RYR3: variants seen among roughly 807,000 people sequenced by gnomAD.
RYR3 encodes ryanodine receptor 3, also known as brain ryanodine receptor-calcium release channel.
RYR3 carries 207 observed loss-of-function variants against 584.3 expected under a neutral mutation model. The ratio of observed to expected loss-of-function variants is 0.35; its 90% confidence interval spans 0.32 to 0.40. RYR3 has a LOEUF of 0.40. RYR3 is among the 10% of genes least tolerant of loss of function. The probability of loss-of-function intolerance (pLI) is 1.00; values close to 1 mark genes in which losing one functional copy is unlikely to be tolerated. For missense variants in RYR3, 5,616 were observed against 6,089.2 expected (o/e 0.92, Z 2.59); for synonymous variants, 2,416 against 2,248.5 (o/e 1.07, Z -2.11).
At chr15:33,632,395 A>G (rs1483827281) in intron 23 of RYR3, among the ~76,000 whole-genome samples, 3 of 152,270 alleles carry the variant, frequency 2.0e-5, no homozygotes, top group Admixed American at 6.5e-5. Flanking sequence ...ACTTACAGAC[A>G]TTTGAGGCTG....
chr15:33,684,916 G>A (rs1010137846), intron 38 of RYR3, among the ~76,000 whole-genome samples: 2 of 152,114 alleles, frequency 1.3e-5, no homozygotes, highest in African/African-American at 4.8e-5. Context: ...GTCACTGCCA[G>A]GCCCGCCTTA....
intron 2 of RYR3, among the ~76,000 whole-genome samples, chr15:33,481,847 T>C (rs369701930): frequency 6.6e-6 from 1 of 151,860 alleles, no homozygotes; most frequent in African/African-American, 2.4e-5. Flanking sequence ...ATCACAGTTT[T>C]CCTTGCATTC....
intron 59 of RYR3, 84 bp downstream of exon 59, chr15:33,756,457 A>T (rs2071838345): frequency 2.0e-6 from 2 of 1,000,548 alleles, no homozygotes; most frequent in South Asian, 2.8e-5. Flanking sequence ...TCCAGTGAAG[A>T]TATCTAAAAC....
intron 6 of RYR3, among the ~76,000 whole-genome samples, chr15:33,540,365 G>C (rs148689219): frequency 0.016 from 2,467 of 152,108 alleles, 76 homozygotes; most frequent in African/African-American, 0.056. Flanking sequence ...GCACTTGTCT[G>C]GGGGTGGGGA....
chr15:33,843,003 AG>A lies in RYR3; in HGVS notation c.13210-484del, dbSNP rs562872986. ...TGGTTCCATGTTCATGACACGACAC[AG>A]TCATGCCATGGCTGTGTTAAGAATG... On this transcript the variant is annotated intron_variant, in intron 91 of 103. Transcript: ENST00000634891. 7.2e-5 allele frequency among the ~76,000 whole-genome samples: 11 copies of A among 152,246 alleles called. No homozygotes were observed. In the East Asian group the frequency reaches 1.5e-3, roughly 21 times the overall value.
At chr15:33,574,856 C>T (rs1445908179) in intron 12 of RYR3, among the ~76,000 whole-genome samples, 1 of 152,106 alleles carries the variant, frequency 6.6e-6, no homozygotes, top group African/African-American at 2.4e-5. Context: ...GTAGTCAAGA[C>T]CCATTCATGT....
intron 18 of RYR3, among the ~76,000 whole-genome samples, chr15:33,612,975 C>T (rs2060271112): frequency 6.6e-6 from 1 of 152,168 alleles, no homozygotes; most frequent in African/African-American, 2.4e-5. Context: ...TGGTGTCTGC[C>T]CACTCGCCAG....
At chr15:33,614,604 G>A (rs1355157968) in intron 19 of RYR3, among the ~76,000 whole-genome samples, 1 of 151,808 alleles carries the variant, frequency 6.6e-6, no homozygotes, top group African/African-American at 2.4e-5. Context: ...CTAACTTTGT[G>A]TTCTCAGCCT....
At chr15:33,357,980 G>A (rs1233529690) in intron 1 of RYR3, among the ~76,000 whole-genome samples, 3 of 152,228 alleles carry the variant, frequency 2.0e-5, no homozygotes, top group Non-Finnish European at 4.4e-5. Flanking sequence ...TTCTGTCCTT[G>A]CATTTGCCAG....
intron 43 of RYR3, among the ~76,000 whole-genome samples, chr15:33,713,908 C>T (rs568557600): frequency 2.4e-4 from 37 of 152,112 alleles, no homozygotes; most frequent in Non-Finnish European, 3.7e-4. Flanking sequence ...TAATTACCTA[C>T]CAAAGGCCCT....
intron 1 of RYR3, among the ~76,000 whole-genome samples, chr15:33,406,496 A>G (rs1352064623): frequency 6.6e-6 from 1 of 152,226 alleles, no homozygotes; most frequent in Non-Finnish European, 1.5e-5. Flanking sequence ...GCCTCTCAAG[A>G]ACATTTACTC....
chr15:33,759,184 G>A (rs745748770), intron 60 of RYR3, among the ~76,000 whole-genome samples: 19 of 152,206 alleles, frequency 1.2e-4, no homozygotes, highest in Admixed American at 2.6e-4. Context: ...CCACGAAGAT[G>A]GGGAAAACAG....
At chr15:33,734,284 A>T (rs2069211416) in intron 48 of RYR3, among the ~76,000 whole-genome samples, 1 of 152,226 alleles carries the variant, frequency 6.6e-6, no homozygotes, top group Non-Finnish European at 1.5e-5. Flanking sequence ...CTTTCAAGAG[A>T]GACAAATTTC....
intron 4 of RYR3, among the ~76,000 whole-genome samples, chr15:33,531,336 A>G (rs977059909): frequency 6.6e-6 from 1 of 151,998 alleles, no homozygotes. Context: ...TTTATAAAAA[A>G]ATATAATTTT....
intron 1 of RYR3, among the ~76,000 whole-genome samples, chr15:33,409,023 A>C (rs2043208272): frequency 6.6e-6 from 1 of 152,080 alleles, no homozygotes. Flanking sequence ...AACCCTCCAA[A>C]TCCTAAATAC....
At chr15:33,521,618 G>T (rs117246922) in intron 3 of RYR3, among the ~76,000 whole-genome samples, 1 of 152,150 alleles carries the variant, frequency 6.6e-6, no homozygotes, top group Non-Finnish European at 1.5e-5. Flanking sequence ...TCTGTGCACT[G>T]CTTTTCAAGT....
chr15:33,789,549 T>A (rs2152915303), intron 67 of RYR3, among the ~76,000 whole-genome samples: 1 of 141,638 alleles, frequency 7.1e-6, no homozygotes, highest in Non-Finnish European at 1.5e-5. Flanking sequence ...ATGATTGTAG[T>A]TTCACAACAT....
chr15:33,748,301 A>G (rs1254876177), intron 54 of RYR3, 41 bp downstream of exon 54: 4 of 1,606,094 alleles, frequency 2.5e-6, no homozygotes, highest in African/African-American at 1.3e-5. Flanking sequence ...GGCCGATGGA[A>G]GCCATGGAGA....
intron 38 of RYR3, among the ~76,000 whole-genome samples, chr15:33,685,315 A>G (rs2064913321): frequency 6.6e-6 from 1 of 152,220 alleles, no homozygotes; most frequent in South Asian, 2.1e-4. Context: ...GATAAAACAG[A>G]CTTTAAACCA....
Sources: gnomAD v4.1 joint callset for allele counts (sites outside exome capture counted in the v4.1 genomes callset) on GRCh38, gnomAD v4.1.1 for gene constraint, MANE v1.5 for transcripts, NCBI Gene and HGNC (gene_info 2026-07-23, HGNC 2026-07-21) for gene names.